TANC1: variants seen among roughly 807,000 people sequenced by gnomAD.
The protein encoded by TANC1 is tetratricopeptide repeat, ankyrin repeat and coiled-coil containing 1, also known as protein TANC1.
In TANC1, 77 loss-of-function variants were observed where a neutral mutation model predicts 149.7. The ratio of observed to expected loss-of-function variants is 0.51; its 90% confidence interval spans 0.43 to 0.62. The LOEUF (loss-of-function observed/expected upper bound fraction) is 0.62. TANC1 is among the 20% of genes least tolerant of loss of function. TANC1 has a pLI of 0.00. For synonymous variants in TANC1, 854 were observed against 925.0 expected (o/e 0.92, Z 1.39); for missense variants, 1,985 against 2,321.8 (o/e 0.85, Z 2.98).
intron 4 of TANC1, among the ~76,000 whole-genome samples, chr2:159,134,907 C>A (rs145449807): frequency 6.6e-6 from 1 of 152,126 alleles, no homozygotes; most frequent in Admixed American, 6.5e-5. Flanking sequence ...TGTGAGCCAC[C>A]GTGCCTAGCC....
intron 2 of TANC1, among the ~76,000 whole-genome samples, chr2:159,027,606 A>G (rs1286072716): frequency 1.3e-5 from 2 of 152,158 alleles, no homozygotes; most frequent in Non-Finnish European, 2.9e-5. Context: ...TGCTCCACTT[A>G]TAGCAATTAC....
Position 159,228,891 on chromosome 2 carries a change from T to C in TANC1, c.4146T>C (p.Asn1382=), listed in dbSNP as rs763667091. 1.2e-6 allele frequency: 2 copies of C among 1,612,530 alleles called. No homozygotes were observed. Among genetic ancestry groups the C allele is most frequent in the Admixed American group, 1.7e-5 (1 of 59,998 alleles). ...ATGCCAGAGCAAGAGCGAAGAGAAA[T>C]AGCAGGTACCGTCTGTGGTTATCTT... ...AFYARARAKR[N]SRQFVAALAD... is the part of the protein sequence containing the mutation. The change falls in exon 26 of 27, where the codon AAT becomes AAC. Residue 1382 remains asparagine (N), a synonymous_variant. Coordinates refer to ENST00000263635, the MANE Select transcript of TANC1 (RefSeq NM_033394.3).
chr2:159,003,670 T>TC (rs960002228), intron 2 of TANC1, among the ~76,000 whole-genome samples: 11 of 152,206 alleles, frequency 7.2e-5, no homozygotes, highest in African/African-American at 2.7e-4. Context: ...AGATGTGCGC[T>TC]CCCGGGATAG....
chr2:159,221,483 G>A (rs1371041931), intron 22 of TANC1, among the ~76,000 whole-genome samples: 1 of 152,092 alleles, frequency 6.6e-6, no homozygotes, highest in Non-Finnish European at 1.5e-5. Flanking sequence ...CCCTTTGACC[G>A]GTGCCTACCC....
chr2:159,041,332 C>A (rs542511635), intron 2 of TANC1, among the ~76,000 whole-genome samples: 1 of 152,156 alleles, frequency 6.6e-6, no homozygotes, highest in Non-Finnish European at 1.5e-5. Context: ...CAGACAGGGA[C>A]GTTTAAGTCT....
At chr2:159,125,917 C>A (rs575977722) in intron 4 of TANC1, among the ~76,000 whole-genome samples, 1 of 152,238 alleles carries the variant, frequency 6.6e-6, no homozygotes, top group Admixed American at 6.5e-5. Context: ...TGGCTGTCAG[C>A]TGAGGATTCT....
At chr2:159,059,848 G>C (rs1328647033) in intron 2 of TANC1, among the ~76,000 whole-genome samples, 1 of 147,014 alleles carries the variant, frequency 6.8e-6, no homozygotes, top group Non-Finnish European at 1.5e-5. Context: ...TTTTCCATGA[G>C]TTTCTAGATA....
chr2:159,164,645 C>T (rs1475251512), intron 8 of TANC1, among the ~76,000 whole-genome samples: 1 of 152,214 alleles, frequency 6.6e-6, no homozygotes, highest in Non-Finnish European at 1.5e-5. Flanking sequence ...TAACATTTCT[C>T]TTCTACTACT....
chr2:158,971,653 A>G (rs2032899724), intron 1 of TANC1, among the ~76,000 whole-genome samples: 1 of 151,866 alleles, frequency 6.6e-6, no homozygotes, highest in Non-Finnish European at 1.5e-5. Flanking sequence ...TGGTTTTCTC[A>G]TTTTTTTCAT....
rs377661350 is a variant in TANC1, at chr2:159,230,784, T to C, written c.5358T>C (p.Ser1786=). 1 of 1,614,236 alleles carries C rather than the reference T, an allele frequency of 6.2e-7. No individual in the cohort carries two copies. The highest frequency in any genetic ancestry group is 8.5e-7 in the Non-Finnish European group (1 of 1,180,046). Residue 1786 remains serine, a synonymous_variant, in exon 27 of 27, where the codon TCT becomes TCC. Coordinates refer to ENST00000263635, the MANE Select transcript of TANC1 (RefSeq NM_033394.3). This position sits in a 1 kb window ranked among gnomAD's most constrained non-coding sequence, Gnocchi z 4.4. ...GGYNNQAKTC[S]VSTLSASVHN... ...ATAATAACCAAGCCAAAACCTGTTC[T>C]GTTTCTACCCTGAGTGCAAGTGTCC...
intron 22 of TANC1, among the ~76,000 whole-genome samples, chr2:159,223,501 T>C (rs1472889503): frequency 6.6e-6 from 1 of 152,132 alleles, no homozygotes; most frequent in Non-Finnish European, 1.5e-5. Flanking sequence ...TTTTGAATAA[T>C]GGGGTGGATG....
intron 4 of TANC1, among the ~76,000 whole-genome samples, chr2:159,117,073 C>A (rs1328368725): frequency 6.6e-6 from 1 of 152,146 alleles, no homozygotes; most frequent in African/African-American, 2.4e-5. Context: ...TTCACATGAC[C>A]TTCAGTGAAG....
Position 159,021,582 on chromosome 2 carries a change from C to T in TANC1, c.-16+20393C>T, listed in dbSNP as rs537448059. 1.7e-4 allele frequency among the ~76,000 whole-genome samples: 26 copies of T among 151,696 alleles called. No homozygotes were observed. In the South Asian group the frequency reaches 5.4e-3, roughly 32 times the overall value. On this transcript the variant is annotated intron_variant, in intron 2 of 26. Coordinates refer to ENST00000263635, the MANE Select transcript of TANC1 (RefSeq NM_033394.3). ...CATGTCTGTGAATAGCCATTGCACT[C>T]CAGCCTGGGCAATGTAACGAGACCC...
rs1419717880 is a variant in TANC1 at position 159,104,316 on chromosome 2, C to T, written c.259+6482C>T. On this transcript the variant is annotated intron_variant, in intron 4 of 26. Coordinates refer to ENST00000263635, the MANE Select transcript of TANC1 (RefSeq NM_033394.3). ...TCCCCTGCCAATGAGTCCTGGTTCA[C>T]CTGTATACAATTTGGCTATACTCTG... Among the ~76,000 whole-genome samples the T allele has an allele frequency of 6.3e-5, 6 of 95,214 alleles. 1 individual carries two copies. The highest frequency in any genetic ancestry group is 4.7e-4 in the East Asian group (2 of 4,292). 62.5% of individuals were successfully genotyped at this position (95,214 alleles called of 152,430 possible). A position where few individuals can be genotyped will look rare whatever the true frequency, so the allele number is the denominator to read the frequency against.
intron 2 of TANC1, among the ~76,000 whole-genome samples, chr2:159,009,452 A>T (rs2037543744): frequency 6.6e-6 from 1 of 152,242 alleles, no homozygotes; most frequent in Non-Finnish European, 1.5e-5. Context: ...GGTAACATGG[A>T]TGAGGTTGGA....
At chr2:158,993,256 T>G (rs183888282) in intron 1 of TANC1, among the ~76,000 whole-genome samples, 26 of 145,160 alleles carry the variant, frequency 1.8e-4, no homozygotes, top group African/African-American at 7.2e-4. Context: ...TTTTGTTTTG[T>G]TTTTTGTTCT....
intron 2 of TANC1, among the ~76,000 whole-genome samples, chr2:159,050,760 G>A (rs2149588229): frequency 6.6e-6 from 1 of 152,328 alleles, no homozygotes; most frequent in South Asian, 2.1e-4. Context: ...GATTTGTGAA[G>A]TAAAGGTCTT....
Position 159,170,588 on chromosome 2 carries a change from C to A in TANC1, c.1134C>A (p.Ser378Arg). 6.2e-7 allele frequency: 1 copy of A among 1,614,056 alleles called. No homozygotes were observed. Among genetic ancestry groups the A allele is most frequent in the Non-Finnish European group, 8.5e-7 (1 of 1,179,970 alleles). The change falls in exon 10 of 27, where the codon AGC (serine) becomes AGA (arginine). Residue 378 changes from serine (S) to arginine (R), a missense_variant. Transcript: ENST00000263635. The part of the protein sequence containing the change: ...LLKPLLFEVP[S>R]ITTDSVFVGR... ...AACCCTTGTTGTTTGAAGTACCAAGCATAACAACAGACTCTGTGTTTGTGG... is the reference window on the plus strand; with the variant it reads ...AACCCTTGTTGTTTGAAGTACCAAGAATAACAACAGACTCTGTGTTTGTGG...
intron 1 of TANC1, among the ~76,000 whole-genome samples, chr2:158,989,918 A>AT (rs56934916): frequency 0.1 from 14,760 of 142,568 alleles, 718 homozygotes; most frequent in Middle Eastern, 0.12. Flanking sequence ...TAAAATGGGG[A>AT]TTTTTTTTTT....
Sources: gnomAD v4.1 joint callset for allele counts (sites outside exome capture counted in the v4.1 genomes callset) on GRCh38, gnomAD v4.1.1 for gene constraint, Gnocchi (gnomAD v3.1) non-coding constraint, MANE v1.5 for transcripts, NCBI Gene and HGNC (gene_info 2026-07-23, HGNC 2026-07-21) for gene names.